The following CCDC91 variants were observed in gnomAD, a reference collection of about 807,000 sequenced individuals.
CCDC91 encodes the protein coiled-coil domain-containing protein 91.
Under a neutral mutation model 63.2 loss-of-function variants are expected in CCDC91, and 48 were observed. The ratio of observed to expected loss-of-function variants is 0.76; its 90% CI spans 0.60 to 0.97. The LOEUF (loss-of-function observed/expected upper bound fraction) is 0.97. Among genes scored for constraint, CCDC91 ranks in the 50% least tolerant of loss-of-function variants. The pLI is 0.00. For synonymous variants in CCDC91, 167 were observed against 165.8 expected, an observed-to-expected ratio of 1.01 and a Z score of -0.06; for missense variants, 500 against 494.6, an observed-to-expected ratio of 1.01 and a Z score of -0.10.
At chr12:28,464,279 T>C (rs4931081) in intron 11 of CCDC91, among the ~76,000 whole-genome samples, 125,678 of 152,130 alleles carry the variant, frequency 0.83, 52,595 homozygotes, top group African/African-American at 0.9. Flanking sequence ...AGGACTGCAA[T>C]ATCTAGGTGA....
intron 3 of CCDC91, among the ~76,000 whole-genome samples, chr12:28,272,001 C>T (rs572145778): frequency 2.0e-5 from 3 of 151,288 alleles, no homozygotes; most frequent in Non-Finnish European, 4.4e-5. Flanking sequence ...TAGATAGATT[C>T]CTCTAGCTTT....
intron 11 of CCDC91, among the ~76,000 whole-genome samples, chr12:28,474,132 A>G (rs1196212851): frequency 6.6e-6 from 1 of 152,150 alleles, no homozygotes; most frequent in East Asian, 1.9e-4. Context: ...TAGCACAGTT[A>G]CAGTCTCATT....
chr12:28,221,509 T>C (rs900305387), intron 1 of CCDC91, among the ~76,000 whole-genome samples: 7 of 152,196 alleles, frequency 4.6e-5, no homozygotes, highest in African/African-American at 1.7e-4. Context: ...TTTAAATAGT[T>C]TTGTATTTTG....
intron 8 of CCDC91, among the ~76,000 whole-genome samples, chr12:28,398,826 G>A (rs1394445695): frequency 6.6e-6 from 1 of 151,826 alleles, no homozygotes; most frequent in Non-Finnish European, 1.5e-5. Context: ...AAATCTTTTT[G>A]CTTATTTTAT....
At chr12:28,404,631 C>T (rs966221827) in intron 8 of CCDC91, among the ~76,000 whole-genome samples, 37 of 152,004 alleles carry the variant, frequency 2.4e-4, no homozygotes, top group Admixed American at 1.4e-3. Flanking sequence ...TTTATTTTTC[C>T]TTGCAGTTTT....
chr12:28,195,027 C>T (rs1367659901), intron 1 of CCDC91, among the ~76,000 whole-genome samples: 5 of 149,374 alleles, frequency 3.3e-5, no homozygotes, highest in African/African-American at 7.4e-5. Context: ...GAAGGGGACC[C>T]GAAGGGGTTG....
At chr12:28,201,595 G>T (rs28407093) in intron 1 of CCDC91, among the ~76,000 whole-genome samples, 1 of 146,992 alleles carries the variant, frequency 6.8e-6, no homozygotes, top group South Asian at 2.1e-4. Flanking sequence ...GGGCGGCCAG[G>T]CAGAGACGCT....
chr12:28,238,584 T>C (rs1195579929), intron 1 of CCDC91, among the ~76,000 whole-genome samples: 1 of 152,198 alleles, frequency 6.6e-6, no homozygotes, highest in Non-Finnish European at 1.5e-5. Flanking sequence ...ATCTAGCTCA[T>C]AGAAACACAC....
intron 3 of CCDC91, among the ~76,000 whole-genome samples, chr12:28,290,446 G>C (rs117574519): frequency 0.013 from 2,023 of 152,182 alleles, 19 homozygotes; most frequent in South Asian, 0.022. Flanking sequence ...TTAGGTCTTT[G>C]TTCTTTATCC....
intron 12 of CCDC91, among the ~76,000 whole-genome samples, chr12:28,547,196 A>C (rs182733181): frequency 5.6e-4 from 85 of 152,242 alleles, no homozygotes; most frequent in African/African-American, 2.0e-3. Context: ...ACTGGAACTG[A>C]GTATTGGTAT....
chr12:28,457,936 G>A (rs1471860870), intron 11 of CCDC91, among the ~76,000 whole-genome samples: 1 of 151,984 alleles, frequency 6.6e-6, no homozygotes, highest in Non-Finnish European at 1.5e-5. Flanking sequence ...AAGAACTCCA[G>A]TGCACACAGA....
In CCDC91 at chr12:28,495,515, G is replaced by C. The variant is rs190400730; in HGVS notation, c.1215+11350G>C. On this transcript the variant is annotated intron_variant, in intron 12 of 12. Coordinates refer to ENST00000536442, the MANE Select transcript of CCDC91 (RefSeq NM_018318.5). ...TTCTTGTAATTAGGTGTATCTACTT[G>C]AGTTTTGCTACCTCAGCGTCCCATA... Among the ~76,000 whole-genome samples, 293 of 151,596 alleles carry C rather than the reference G, an allele frequency of 1.9e-3. 3 individuals are homozygous for C. Among genetic ancestry groups the C allele is most frequent in the African/African-American group, 6.6e-3 (273 of 41,432 alleles).
chr12:28,268,103 G>C (rs1426483543), intron 3 of CCDC91, among the ~76,000 whole-genome samples: 1 of 149,040 alleles, frequency 6.7e-6, no homozygotes, highest in African/African-American at 2.5e-5. Context: ...TTGCTCTGTT[G>C]CCCAGGCTGC....
At chr12:28,374,349 G>A (rs567204097) in intron 7 of CCDC91, among the ~76,000 whole-genome samples, 91 of 152,166 alleles carry the variant, frequency 6.0e-4, no homozygotes, top group Non-Finnish European at 7.9e-4. Context: ...TCAACCCATG[G>A]ATCTTTGCTG....
At chr12:28,304,358 C>T (rs1024548363) in intron 3 of CCDC91, among the ~76,000 whole-genome samples, 6 of 111,916 alleles carry the variant, frequency 5.4e-5, no homozygotes, top group Admixed American at 1.2e-4. Context: ...GCCTGGGTAA[C>T]GGGGTGAGAC....
intron 6 of CCDC91, among the ~76,000 whole-genome samples, chr12:28,359,789 C>CTTTTTTTTTTTTTT (rs1565853581): frequency 1.0e-4 from 15 of 150,498 alleles, no homozygotes; most frequent in African/African-American, 3.5e-4. Context: ...TTTCTATTTA[C>CTTTTTTTTTTTTTT]TTTTAAAATC....
Position 28,482,533 on chromosome 12 carries a change from G to A in CCDC91, c.1102-1519G>A, listed in dbSNP as rs189774999. Reference sequence around the variant, plus strand: ...TCAAGCAAATGACAAGAGAAAATGTGTATTGCCAATATTTTTCTAAATTAA... The same window carrying A: ...TCAAGCAAATGACAAGAGAAAATGTATATTGCCAATATTTTTCTAAATTAA... On this transcript the variant is annotated intron_variant, in intron 11 of 12. Transcript: ENST00000536442. Among the ~76,000 whole-genome samples, 26 of 151,998 alleles carry A rather than the reference G, an allele frequency of 1.7e-4. No individual in the cohort carries two copies. The East Asian group carries it at 4.8e-3, about 28-fold the overall frequency.
At chr12:28,533,109 G>A (rs1941879427) in intron 12 of CCDC91, among the ~76,000 whole-genome samples, 2 of 152,060 alleles carry the variant, frequency 1.3e-5, no homozygotes, top group South Asian at 4.2e-4. Flanking sequence ...GGTAGCCCCA[G>A]TGGCATAGGT....
intron 3 of CCDC91, among the ~76,000 whole-genome samples, chr12:28,304,297 A>G (rs527305400): frequency 6.8e-6 from 1 of 147,114 alleles, no homozygotes; most frequent in African/African-American, 2.5e-5. Flanking sequence ...GAATTGCTTG[A>G]ACCCAGGAGG....
Sources: allele counts gnomAD v4.1 joint callset (sites outside exome capture counted in the v4.1 genomes callset), GRCh38; gene constraint gnomAD v4.1.1; transcripts MANE v1.5; gene names NCBI Gene and HGNC (gene_info 2026-07-23, HGNC 2026-07-21).